PDGFRA: variants seen among roughly 807,000 people sequenced by gnomAD.
PDGFRA encodes platelet derived growth factor receptor alpha, also known as platelet-derived growth factor receptor alpha.
In PDGFRA, 25 loss-of-function variants were observed where a neutral mutation model predicts 121.5. That is an observed-to-expected ratio of 0.21 (90% confidence interval 0.15 to 0.29). The LOEUF (loss-of-function observed/expected upper bound fraction) is 0.29. PDGFRA is among the 10% of genes least tolerant of loss of function. PDGFRA has a pLI of 1.00. For missense variants in PDGFRA, 1,008 were observed against 1,345.1 expected, an observed-to-expected ratio of 0.75 and a Z score of 3.92; for synonymous variants, 463 against 494.8, an observed-to-expected ratio of 0.94 and a Z score of 0.85.
chr4:54,290,682 A>C (rs1351296673), intron 22 of PDGFRA, 128 bp downstream of exon 22: 1 of 1,058,596 alleles, frequency 9.4e-7, no homozygotes, highest in Non-Finnish European at 1.5e-6. Flanking sequence ...AAGTTGCAGA[A>C]TCCTCAGGAG....
chr4:54,292,757 C>G (rs1467689251), intron 22 of PDGFRA, among the ~76,000 whole-genome samples: 2 of 152,038 alleles, frequency 1.3e-5, no homozygotes, highest in African/African-American at 2.4e-5. Flanking sequence ...GGTCACTATC[C>G]TTAGCAAACT....
chr4:54,286,824 T>C (rs1241073357), intron 18 of PDGFRA, among the ~76,000 whole-genome samples: 2 of 152,228 alleles, frequency 1.3e-5, no homozygotes, highest in African/African-American at 2.4e-5. Context: ...ACAGTTTCCT[T>C]AAAGATACTC....
intron 1 of PDGFRA, among the ~76,000 whole-genome samples, chr4:54,237,299 A>C (rs1721071647): frequency 1.3e-5 from 2 of 152,118 alleles, no homozygotes; most frequent in Non-Finnish European, 2.9e-5. Flanking sequence ...TCAGTAAATA[A>C]TCTTTCCTGG....
chr4:54,266,718 T>G (rs993204013), intron 5 of PDGFRA, among the ~76,000 whole-genome samples: 2 of 152,114 alleles, frequency 1.3e-5, no homozygotes, highest in African/African-American at 4.8e-5. Context: ...TGGTGGCTCA[T>G]GCCTGTAATC....
At chr4:54,245,642 G>T (rs1177535530) in intron 1 of PDGFRA, among the ~76,000 whole-genome samples, 6 of 152,108 alleles carry the variant, frequency 3.9e-5, no homozygotes, top group Non-Finnish European at 7.4e-5. Flanking sequence ...AGGCTAGGAA[G>T]AAACTGCATC....
At chr4:54,269,579 T>G (rs1723215912) in intron 7 of PDGFRA, among the ~76,000 whole-genome samples, 1 of 152,030 alleles carries the variant, frequency 6.6e-6, no homozygotes, top group South Asian at 2.1e-4. Context: ...TTTGGGGAAG[T>G]TTCTCTTTAA....
In PDGFRA at chr4:54,263,523, C is replaced by T; in HGVS notation, c.368-144C>T. On this transcript the variant is annotated intron_variant, in intron 3 of 22. Coordinates refer to ENST00000257290, the MANE Select transcript of PDGFRA (RefSeq NM_006206.6). ...TTTGTAGCTGTCATGATAACTAATG[C>T]CAGTGGGGCAATTCTTCTGGATATA... 3.8e-6 allele frequency: 3 copies of T among 796,724 alleles called. No individual in the cohort carries two copies. The Admixed American group carries it at 5.7e-5, about 15-fold the overall frequency. 49.4% of individuals were successfully genotyped at this position (796,724 alleles called of 1,614,324 possible). A position where few individuals can be genotyped will look rare whatever the true frequency, so the allele number is the denominator to read the frequency against.
chr4:54,265,444 C>T (rs751134813), intron 5 of PDGFRA: 4 of 298,156 alleles, frequency 1.3e-5, no homozygotes, highest in Non-Finnish European at 2.6e-5. Context: ...AGGTTTGATT[C>T]ATCTGATAGT....
chr4:54,289,846 T>A (rs1724537250), intron 21 of PDGFRA, among the ~76,000 whole-genome samples: 1 of 152,244 alleles, frequency 6.6e-6, no homozygotes, highest in South Asian at 2.1e-4. Flanking sequence ...TGGTCAAAGA[T>A]GCTCTGACTG....
intron 22 of PDGFRA, 107 bp from the exon 23 acceptor site, chr4:54,295,018 C>A: frequency 8.7e-7 from 1 of 1,150,966 alleles, no homozygotes; most frequent in Non-Finnish European, 1.3e-6. Context: ...CCATACTGTG[C>A]AGCCCAAATT....
rs757476272 is a variant in PDGFRA, at chr4:54,274,927, G to A, written c.1740G>A (p.Leu580=). 13 of 1,614,032 alleles carry A rather than the reference G, an allele frequency of 8.1e-6. No individual in the cohort carries two copies. In the South Asian group the frequency reaches 1.3e-4, roughly 16 times the overall value. Residue 580 remains leucine (L), a synonymous_variant, in exon 12 of 23, where the codon CTG becomes CTA. Coordinates refer to ENST00000257290, the MANE Select transcript of PDGFRA (RefSeq NM_006206.6). ...HEYIYVDPMQ[L]PYDSRWEFPR... ...ATATTTATGTGGACCCGATGCAGCT[G>A]CCTTATGACTCAAGATGGGAGTTTC...
chr4:54,272,593 C>T, intron 9 of PDGFRA, 73 bp downstream of exon 9: 2 of 1,516,046 alleles, frequency 1.3e-6, no homozygotes, highest in South Asian at 2.2e-5. Flanking sequence ...ATGTCAAATA[C>T]ATTTTACTTA....
rs369219442 is a variant in PDGFRA at position 54,273,670 on chromosome 4, C to A, written c.1498C>A (p.Arg500=). 2.5e-6 allele frequency: 4 copies of A among 1,613,912 alleles called. No homozygotes were observed. Among genetic ancestry groups the A allele is most frequent in the Non-Finnish European group, 3.4e-6 (4 of 1,180,018 alleles). ...FAKVEETIAV[R]CLAKNLLGAE... ...CAAAGTGGAGGAGACCATCGCCGTG[C>A]GATGCCTGGCTAAGAATCTCCTTGG... The change falls in exon 10 of 23, where the codon CGA becomes AGA. Residue 500 remains arginine (R), a synonymous_variant. Coordinates refer to ENST00000257290, the MANE Select transcript of PDGFRA (RefSeq NM_006206.6).
At chr4:54,238,859 C>T (rs565941702) in intron 1 of PDGFRA, among the ~76,000 whole-genome samples, 102 of 152,238 alleles carry the variant, frequency 6.7e-4, no homozygotes, top group African/African-American at 2.4e-3. Context: ...ATAGTCCCAG[C>T]TACTGGTCTG....
intron 16 of PDGFRA, chr4:54,281,829 G>A: frequency 1.6e-6 from 2 of 1,236,954 alleles, no homozygotes; most frequent in Non-Finnish European, 2.0e-6. Context: ...AAGTGGACAA[G>A]TTACAAACAA....
In PDGFRA at chr4:54,294,379, C is replaced by T. The variant is rs17084137; in HGVS notation, c.3123-746C>T. 6.5e-3 allele frequency among the ~76,000 whole-genome samples: 996 copies of T among 152,108 alleles called. 10 individuals are homozygous for T. The highest frequency in any genetic ancestry group is 0.023 in the African/African-American group (944 of 41,498). On this transcript the variant is annotated intron_variant, in intron 22 of 22. Coordinates refer to ENST00000257290, the MANE Select transcript of PDGFRA (RefSeq NM_006206.6). ...CTGCTTTTATATAAAGTTAGAAAGTCACATTGGAATAAATAACATGAGAAA... is the reference window on the plus strand; with the variant it reads ...CTGCTTTTATATAAAGTTAGAAAGTTACATTGGAATAAATAACATGAGAAA...
chr4:54,245,288 A>C (rs1240900359), intron 1 of PDGFRA, among the ~76,000 whole-genome samples: 1 of 151,922 alleles, frequency 6.6e-6, no homozygotes, highest in African/African-American at 2.4e-5. Context: ...AAGTTGAAGG[A>C]AAAAATGTTA....
intron 9 of PDGFRA, among the ~76,000 whole-genome samples, chr4:54,272,989 T>C (rs1207752973): frequency 6.6e-6 from 1 of 152,216 alleles, no homozygotes; most frequent in Non-Finnish European, 1.5e-5. Context: ...GAAGCCTCAG[T>C]TGTTTCTTCC....
Position 54,290,538 on chromosome 4 carries a change from A to G in PDGFRA, c.3106A>G (p.Lys1036Glu), listed in dbSNP as rs1560493275. 6.2e-7 allele frequency: 1 copy of G among 1,614,200 alleles called. No individual in the cohort carries two copies. Among genetic ancestry groups the G allele is most frequent in the Non-Finnish European group, 8.5e-7 (1 of 1,180,018 alleles). ...DPVPEEEDLGKRNRHSSQTSE... is the reference protein window; with the variant it reads ...DPVPEEEDLGERNRHSSQTSE... ...TGTCCCTGAGGAGGAGGACCTGGGCAAGAGGAACAGACACAGGTAGCTGTG... is the reference window on the plus strand; with the variant it reads ...TGTCCCTGAGGAGGAGGACCTGGGCGAGAGGAACAGACACAGGTAGCTGTG... The change falls in exon 22 of 23, where the codon AAG becomes GAG. Residue 1036 changes from lysine (K) to glutamate (E), a missense_variant. Physicochemically the swap from Lys to Glu is moderately conservative, Grantham distance 56. Coordinates refer to ENST00000257290, the MANE Select transcript of PDGFRA (RefSeq NM_006206.6).
Sources: allele counts gnomAD v4.1 joint callset (sites outside exome capture counted in the v4.1 genomes callset), GRCh38; gene constraint gnomAD v4.1.1; transcripts MANE v1.5; gene names NCBI Gene and HGNC (gene_info 2026-07-23, HGNC 2026-07-21).